Variants in ITFG2 observed in about 807,000 individuals in gnomAD.
The protein encoded by ITFG2 is KICSTOR complex protein ITFG2.
In ITFG2, 36 loss-of-function variants were observed where a neutral mutation model predicts 54.4. The observed-to-expected ratio is 0.66, with a 90% CI of 0.51 to 0.87. ITFG2 has a LOEUF of 0.87. Among genes scored for constraint, ITFG2 ranks in the 40% least tolerant of loss-of-function variants. ITFG2 has a pLI of 0.00. For synonymous variants in ITFG2, 211 were observed against 225.4 expected, an observed-to-expected ratio of 0.94 and a Z score of 0.57; for missense variants, 524 against 576.7, an observed-to-expected ratio of 0.91 and a Z score of 0.94.
chr12:2,855,434 T>C (rs1175991905), intron 2 of ITFG2: 1 of 1,467,794 alleles, frequency 6.8e-7, no homozygotes, highest in Non-Finnish European at 9.0e-7. Flanking sequence ...AGGGACTCGC[T>C]GGCCTGGACC....
At chr12:2,848,879 A>ACACACG (rs1555092631) in intron 2 of ITFG2, among the ~76,000 whole-genome samples, 1 of 109,832 alleles carries the variant, frequency 9.1e-6, no homozygotes, top group Non-Finnish European at 1.9e-5. Flanking sequence ...ACACACACGC[A>ACACACG]CACACACACA....
At chr12:2,851,243 G>A (rs962649501) in intron 2 of ITFG2, among the ~76,000 whole-genome samples, 1 of 152,114 alleles carries the variant, frequency 6.6e-6, no homozygotes, top group African/African-American at 2.4e-5. Flanking sequence ...TGCTCTGGGT[G>A]AGTGAGTGAG....
At chr12:2,823,384 G>T (rs1169440542) in intron 10 of ITFG2, among the ~76,000 whole-genome samples, 1 of 152,230 alleles carries the variant, frequency 6.6e-6, no homozygotes, top group African/African-American at 2.4e-5. Context: ...GTGACTGGGG[G>T]ATGCATTTGG....
intron 2 of ITFG2, among the ~76,000 whole-genome samples, chr12:2,847,623 C>G (rs2098056867): frequency 6.7e-6 from 1 of 150,236 alleles, no homozygotes; most frequent in South Asian, 2.1e-4. Context: ...GCCAAGATCA[C>G]GCCACTGCAC....
chr12:2,850,345 G>T (rs2098066029), intron 2 of ITFG2, among the ~76,000 whole-genome samples: 1 of 151,822 alleles, frequency 6.6e-6, no homozygotes, highest in Non-Finnish European at 1.5e-5. Context: ...ATGGTGGCAG[G>T]CACCTGTAGT....
chr12:2,834,919 G>C, upstream of ITFG2: 2 of 1,613,006 alleles, frequency 1.2e-6, no homozygotes, highest in South Asian at 2.2e-5. Flanking sequence ...TCTCTGTCCC[G>C]TGCTGCAGCT....
upstream of ITFG2, among the ~76,000 whole-genome samples, chr12:2,831,893 G>A (rs1312415374): frequency 6.6e-6 from 1 of 152,048 alleles, no homozygotes; most frequent in East Asian, 1.9e-4. Context: ...CACAGTACCT[G>A]GCCTCCATCC....
At chr12:2,820,272 A>T (rs781024331) in intron 5 of ITFG2, 47 bp downstream of exon 5, 40 of 1,517,554 alleles carry the variant, frequency 2.6e-5, no homozygotes, top group Non-Finnish European at 3.5e-5. Flanking sequence ...GCTGGGAGGA[A>T]GGTCTCCTGG....
At chr12:2,859,299 G>A (rs2098103016) in intron 3 of ITFG2, 2 of 1,613,270 alleles carry the variant, frequency 1.2e-6, no homozygotes, top group African/African-American at 1.3e-5. Context: ...TTTTCTCCGA[G>A]ACCGGCTCCT....
In ITFG2 at chr12:2,858,973, G is replaced by T. The variant is rs779597736; in HGVS notation, n.621-561G>T. 2.5e-6 allele frequency: 4 copies of T among 1,613,328 alleles called. No individual in the cohort carries two copies. In the African/African-American group the frequency reaches 5.3e-5, roughly 22 times the overall value. On this transcript the variant is annotated intron_variant and non_coding_transcript_variant, in intron 3 of 3. Coordinates refer to the ITFG2 transcript ENST00000537710. ...GTGCTGAGATCCATCAGCCCCAGGG[G>T]GTCAGGCAAGGGGTCAGAGGCACCC...
At chr12:2,823,968 C>A (rs751486004) in intron 11 of ITFG2, 25 bp downstream of exon 11, 1 of 1,611,564 alleles carries the variant, frequency 6.2e-7, no homozygotes, top group Admixed American at 1.7e-5. Context: ...AGCCAGTGGC[C>A]CGAGTGCCCA....
chr12:2,833,503 A>C (rs527859329), upstream of ITFG2, among the ~76,000 whole-genome samples: 74 of 151,996 alleles, frequency 4.9e-4, no homozygotes, highest in African/African-American at 1.5e-3. Context: ...GGGAAAGGCG[A>C]GGTGCTGCAC....
At chr12:2,837,025 A>G (rs149789945) in intron 1 of ITFG2, 1 of 152,356 alleles carries the variant, frequency 6.6e-6, no homozygotes, top group East Asian at 1.9e-4. Flanking sequence ...TGGCATCCCC[A>G]GGAAACTAGT....
downstream of ITFG2, among the ~76,000 whole-genome samples, chr12:2,828,688 C>G (rs2097983255): frequency 6.6e-6 from 1 of 151,982 alleles, no homozygotes; most frequent in African/African-American, 2.4e-5. Flanking sequence ...ACTAAAAATA[C>G]AAAATTAGCT....
intron 5 of ITFG2, 103 bp from the exon 6 acceptor site, chr12:2,820,621 T>TGGCCCGG: frequency 2.0e-6 from 1 of 491,836 alleles, no homozygotes; most frequent in Non-Finnish European, 3.8e-6. Flanking sequence ...ACTGCTGCCC[T>TGGCCCGG]GCCCCTGCCC....
At chr12:2,846,530 A>G (rs1196915162) in intron 2 of ITFG2, among the ~76,000 whole-genome samples, 1 of 151,736 alleles carries the variant, frequency 6.6e-6, no homozygotes, top group African/African-American at 2.4e-5. Flanking sequence ...GGAGCAAGTC[A>G]CTTCTCGACG....
At chr12:2,814,913 C>G (rs532875654) in intron 1 of ITFG2, among the ~76,000 whole-genome samples, 1 of 152,074 alleles carries the variant, frequency 6.6e-6, no homozygotes, top group Non-Finnish European at 1.5e-5. Flanking sequence ...CAGTTTTATG[C>G]TTCTGTGATC....
intron 2 of ITFG2, among the ~76,000 whole-genome samples, chr12:2,855,859 C>G (rs985269712): frequency 6.6e-6 from 1 of 152,126 alleles, no homozygotes; most frequent in Non-Finnish European, 1.5e-5. Flanking sequence ...GGCAGCCCAC[C>G]TTCACTTGCT....
chr12:2,851,640 G>GT, intron 2 of ITFG2, among the ~76,000 whole-genome samples: 1 of 151,886 alleles, frequency 6.6e-6, no homozygotes, highest in East Asian at 1.9e-4. Context: ...ACCACGCCCG[G>GT]CCGCTAAATT....
Sources: gnomAD v4.1 joint callset for allele counts (sites outside exome capture counted in the v4.1 genomes callset) on GRCh38, gnomAD v4.1.1 for gene constraint, MANE v1.5 for transcripts, NCBI Gene and HGNC (gene_info 2026-07-23, HGNC 2026-07-21) for gene names.